The following PTPRT variants were observed in gnomAD, a reference collection of about 807,000 sequenced individuals.
PTPRT encodes the protein receptor-type tyrosine-protein phosphatase T.
PTPRT carries 56 observed loss-of-function variants against 176.8 expected under a neutral mutation model. The ratio of observed to expected loss-of-function variants is 0.32; its 90% CI spans 0.26 to 0.40. The LOEUF (loss-of-function observed/expected upper bound fraction) is 0.40. Among genes scored for constraint, PTPRT ranks in the 10% least tolerant of loss-of-function variants. The probability of loss-of-function intolerance (pLI) is 1.00; values close to 1 mark genes in which losing one functional copy is unlikely to be tolerated. For synonymous variants in PTPRT, 783 were observed against 739.0 expected (o/e 1.06, Z -0.96); for missense variants, 1,540 against 1,908.2 (o/e 0.81, Z 3.60).
intron 1 of PTPRT, among the ~76,000 whole-genome samples, chr20:42,899,821 G>T (rs2079370260): frequency 6.6e-6 from 1 of 152,140 alleles, no homozygotes; most frequent in Non-Finnish European, 1.5e-5. Flanking sequence ...TGCATGGCTT[G>T]GTTATGGCAC....
At chr20:42,600,326 G>C (rs1464354224) in intron 7 of PTPRT, among the ~76,000 whole-genome samples, 2 of 152,134 alleles carry the variant, frequency 1.3e-5, no homozygotes, top group Non-Finnish European at 2.9e-5. Flanking sequence ...TTTTAGTAGA[G>C]ACGGGGTTTC....
At chr20:43,163,261 T>C (rs1600762205) in intron 1 of PTPRT, among the ~76,000 whole-genome samples, 1 of 152,176 alleles carries the variant, frequency 6.6e-6, no homozygotes, top group Non-Finnish European at 1.5e-5. Context: ...AAATCTTGCT[T>C]GGAGGCCAGC....
chr20:43,059,798 G>A (rs969712875), intron 1 of PTPRT, among the ~76,000 whole-genome samples: 2 of 152,038 alleles, frequency 1.3e-5, no homozygotes, highest in African/African-American at 4.8e-5. Context: ...GGCCAACATG[G>A]TGAAACCCTG....
At chr20:42,616,456 T>A in intron 7 of PTPRT, among the ~76,000 whole-genome samples, 1 of 126,064 alleles carries the variant, frequency 7.9e-6, no homozygotes, top group African/African-American at 3.6e-5. Flanking sequence ...TTAAAGTAGT[T>A]TTTTCCAATT....
chr20:42,140,163 TAAAAC>T (rs986596998), intron 18 of PTPRT, among the ~76,000 whole-genome samples: 22 of 152,304 alleles, frequency 1.4e-4, no homozygotes, highest in Admixed American at 4.6e-4. Flanking sequence ...TCTAGACAGT[TAAAAC>T]AAAACAAAAC....
chr20:42,444,087 C>T (rs2059341904), intron 9 of PTPRT, among the ~76,000 whole-genome samples: 1 of 152,184 alleles, frequency 6.6e-6, no homozygotes, highest in African/African-American at 2.4e-5. Context: ...TCCTGCCATC[C>T]CTGGCCCTAC....
intron 7 of PTPRT, among the ~76,000 whole-genome samples, chr20:42,651,426 T>G (rs1296653805): frequency 6.6e-6 from 1 of 152,202 alleles, no homozygotes; most frequent in Non-Finnish European, 1.5e-5. Flanking sequence ...ATTTAGTGAC[T>G]GTTTCAAATC....
At chr20:42,267,280 A>G (rs1038287584) in intron 13 of PTPRT, among the ~76,000 whole-genome samples, 1 of 152,236 alleles carries the variant, frequency 6.6e-6, no homozygotes, top group Non-Finnish European at 1.5e-5. Context: ...AGCATGGCAC[A>G]TTTAAAGTAG....
At chr20:42,477,539 C>T (rs1191314415) in intron 7 of PTPRT, among the ~76,000 whole-genome samples, 1 of 152,174 alleles carries the variant, frequency 6.6e-6, no homozygotes, top group Non-Finnish European at 1.5e-5. Context: ...TAATTGCCTG[C>T]AGCATGGAGA....
chr20:42,107,601 G>T (rs943612234), intron 23 of PTPRT, among the ~76,000 whole-genome samples: 2 of 152,226 alleles, frequency 1.3e-5, no homozygotes, highest in African/African-American at 4.8e-5. Context: ...GCCCTTTCTA[G>T]ATCAGTGCTG....
At chr20:42,839,685 C>T (rs1369485992) in intron 2 of PTPRT, among the ~76,000 whole-genome samples, 1 of 152,178 alleles carries the variant, frequency 6.6e-6, no homozygotes, top group Non-Finnish European at 1.5e-5. Flanking sequence ...TGACCAAGGA[C>T]ATCCCAAGGT....
At chr20:42,267,686 A>T (rs1209813169) in intron 13 of PTPRT, among the ~76,000 whole-genome samples, 2 of 152,078 alleles carry the variant, frequency 1.3e-5, no homozygotes, top group African/African-American at 4.8e-5. Flanking sequence ...CCTACAGTGC[A>T]CAGGACAGCC....
intron 13 of PTPRT, among the ~76,000 whole-genome samples, chr20:42,255,551 T>C (rs1403823172): frequency 6.6e-6 from 1 of 152,178 alleles, no homozygotes; most frequent in African/African-American, 2.4e-5. Flanking sequence ...CTAGAGTGAT[T>C]CACTTAACTT....
At chr20:42,552,662 G>T (rs1466816007) in intron 7 of PTPRT, among the ~76,000 whole-genome samples, 1 of 152,120 alleles carries the variant, frequency 6.6e-6, no homozygotes, top group East Asian at 1.9e-4. Context: ...AAAGGCACAT[G>T]TCTAAATTGG....
At chr20:43,187,700 C>T (rs1330064400) in intron 1 of PTPRT, among the ~76,000 whole-genome samples, 1 of 152,042 alleles carries the variant, frequency 6.6e-6, no homozygotes, top group Non-Finnish European at 1.5e-5. Context: ...CCAGGTAGAC[C>T]CAAAAGAACC....
intron 27 of PTPRT, among the ~76,000 whole-genome samples, chr20:42,097,694 C>A (rs907251163): frequency 6.6e-6 from 1 of 152,248 alleles, no homozygotes; most frequent in Non-Finnish European, 1.5e-5. Context: ...ACAAGGCCAG[C>A]TCTCATATGG....
rs185655934 is a variant in PTPRT, at chr20:42,975,672, A to G, written c.89-89740T>C. Among the ~76,000 whole-genome samples, 117 of 152,270 alleles carry G rather than the reference A, an allele frequency of 7.7e-4. 4 individuals carry two copies. In the South Asian group the frequency reaches 0.021, roughly 28 times the overall value. On this transcript the variant is annotated intron_variant, in intron 1 of 30. Coordinates refer to ENST00000373187, the MANE Select transcript of PTPRT (RefSeq NM_007050.6). ...CGCCTATACCCACTACCAATTTCCA[A>G]GCGGGGGCAGCTAAGGTTCCAGCCA...
intron 12 of PTPRT, among the ~76,000 whole-genome samples, chr20:42,312,805 T>TTTCC (rs1491036939): frequency 0.077 from 723 of 9,448 alleles, 7 homozygotes; most frequent in South Asian, 0.29. Flanking sequence ...TGAGATCCTT[T>TTTCC]TTTTTTTTTT....
chr20:42,327,291 A>T (rs2057898699), intron 11 of PTPRT, among the ~76,000 whole-genome samples: 1 of 152,244 alleles, frequency 6.6e-6, no homozygotes, highest in Non-Finnish European at 1.5e-5. Context: ...GTTCAGAATT[A>T]ATTTATTTAC....
Sources: allele counts gnomAD v4.1 joint callset (sites outside exome capture counted in the v4.1 genomes callset), GRCh38; gene constraint gnomAD v4.1.1; transcripts MANE v1.5; gene names NCBI Gene and HGNC (gene_info 2026-07-23, HGNC 2026-07-21).